Variants in FOCAD observed in about 807,000 individuals in gnomAD.
FOCAD encodes the protein focadhesin.
FOCAD carries 198 observed loss-of-function variants against 225.6 expected under a neutral mutation model. The observed-to-expected ratio is 0.88, with a 90% confidence interval of 0.78 to 0.99. FOCAD has a LOEUF of 0.99. Ranked by LOEUF, FOCAD falls within the 50% of genes least tolerant of loss-of-function variation. The pLI is 0.00. For synonymous variants in FOCAD, 897 were observed against 755.0 expected (o/e 1.19, Z -3.08); for missense variants, 2,713 against 2,123.6 (o/e 1.28, Z -5.46).
At chr9:20,701,315 A>T (rs1357638727) in intron 1 of FOCAD, among the ~76,000 whole-genome samples, 5 of 152,184 alleles carry the variant, frequency 3.3e-5, no homozygotes. Context: ...TGTTTTTACA[A>T]GTGAACTCAT....
At chr9:20,797,151 GC>G (rs2131248403) in intron 11 of FOCAD, among the ~76,000 whole-genome samples, 1 of 152,138 alleles carries the variant, frequency 6.6e-6, no homozygotes, top group African/African-American at 2.4e-5. Context: ...ATTTCTGAGG[GC>G]TCTGTTCTGT....
chr9:20,830,868 T>C (rs1219556237), intron 15 of FOCAD, among the ~76,000 whole-genome samples: 1 of 151,726 alleles, frequency 6.6e-6, no homozygotes, highest in Non-Finnish European at 1.5e-5. Flanking sequence ...AGAGACAGAG[T>C]CTCACTATGT....
intron 15 of FOCAD, among the ~76,000 whole-genome samples, chr9:20,842,468 A>G (rs1826638251): frequency 6.6e-6 from 1 of 151,948 alleles, no homozygotes; most frequent in Non-Finnish European, 1.5e-5. Context: ...CTCATGCTGC[A>G]TTAACCCCTT....
At chr9:20,898,684 G>C (rs890270836) in intron 21 of FOCAD, among the ~76,000 whole-genome samples, 2 of 151,528 alleles carry the variant, frequency 1.3e-5, no homozygotes, top group Non-Finnish European at 2.9e-5. Flanking sequence ...TTAAATTCCC[G>C]GTCTGTTAAT....
At chr9:20,875,979 A>T (rs1172846540) in intron 19 of FOCAD, among the ~76,000 whole-genome samples, 1 of 152,216 alleles carries the variant, frequency 6.6e-6, no homozygotes, top group East Asian at 1.9e-4. Flanking sequence ...TTTCTCAGTC[A>T]TAACCATACT....
At chr9:20,824,173 C>G (rs1033420355) in intron 15 of FOCAD, among the ~76,000 whole-genome samples, 2 of 152,092 alleles carry the variant, frequency 1.3e-5, no homozygotes, top group African/African-American at 2.4e-5. Flanking sequence ...GAATACCACA[C>G]ATGCCCAAGG....
chr9:20,700,714 T>C (rs1296874665), intron 1 of FOCAD, among the ~76,000 whole-genome samples: 2 of 152,248 alleles, frequency 1.3e-5, no homozygotes, highest in African/African-American at 2.4e-5. Context: ...TCTTAATTAA[T>C]GAAAAAGATA....
At chr9:20,667,519 C>T (rs1821931023) in intron 2 of FOCAD, among the ~76,000 whole-genome samples, 1 of 152,102 alleles carries the variant, frequency 6.6e-6, no homozygotes, top group Non-Finnish European at 1.5e-5. Context: ...AAAATTAATC[C>T]CACTTTTTGA....
chr9:20,721,868 C>T (rs1825793163), intron 4 of FOCAD, among the ~76,000 whole-genome samples: 1 of 41,798 alleles, frequency 2.4e-5, no homozygotes, highest in African/African-American at 1.0e-4. Context: ...TTCTGCCCTG[C>T]CTTCCCCTCC....
intron 20 of FOCAD, among the ~76,000 whole-genome samples, chr9:20,883,200 C>G (rs2383169): frequency 0.82 from 125,192 of 152,178 alleles, 51,657 homozygotes; most frequent in Admixed American, 0.88. Flanking sequence ...AAGTCACTCT[C>G]TTTGGAAAAT....
At chr9:20,986,266 A>ATTTTCTTTTTTTTTTTTTT in intron 39 of FOCAD, 22 bp from the exon 40 acceptor site, 1 of 705,686 alleles carries the variant, frequency 1.4e-6, no homozygotes, top group Non-Finnish European at 1.8e-6. Context: ...TAACTAAACA[A>ATTTTCTTTTTTTTTTTTTT]TTTTTTTTTT....
At chr9:20,684,917 C>T (rs1822569513) in intron 1 of FOCAD, among the ~76,000 whole-genome samples, 1 of 152,214 alleles carries the variant, frequency 6.6e-6, no homozygotes, top group Admixed American at 6.5e-5. Flanking sequence ...TTGAAATTTT[C>T]GCAGCAGCTA....
intron 15 of FOCAD, among the ~76,000 whole-genome samples, chr9:20,831,159 AG>A (rs1456778791): frequency 6.6e-6 from 1 of 152,088 alleles, no homozygotes; most frequent in Admixed American, 6.6e-5. Context: ...TAAGTATACA[AG>A]GGATCCTCTT....
chr9:20,867,098 G>A, intron 18 of FOCAD, 86 bp downstream of exon 18: 1 of 797,416 alleles, frequency 1.3e-6, no homozygotes, highest in Non-Finnish European at 2.1e-6. Flanking sequence ...ATACTTACCT[G>A]ATGAATATAT....
intron 39 of FOCAD, 49 bp from the exon 40 acceptor site, chr9:20,986,239 T>C (rs1420226798): frequency 1.8e-5 from 24 of 1,360,320 alleles, no homozygotes; most frequent in Non-Finnish European, 2.2e-5. Context: ...CTGTAGCTAC[T>C]TCAGTTAATT....
intron 27 of FOCAD, among the ~76,000 whole-genome samples, chr9:20,931,437 A>G (rs908662312): frequency 2.0e-5 from 3 of 152,194 alleles, no homozygotes; most frequent in Non-Finnish European, 4.4e-5. Flanking sequence ...GAATTGAGGA[A>G]TCTCAAATAT....
intron 11 of FOCAD, among the ~76,000 whole-genome samples, chr9:20,813,304 A>G (rs1823287656): frequency 6.6e-6 from 1 of 152,188 alleles, no homozygotes; most frequent in South Asian, 2.1e-4. Context: ...AGTATTATGA[A>G]TAAAGCAGAA....
At chr9:20,713,661 C>T (rs1825059792) in intron 1 of FOCAD, among the ~76,000 whole-genome samples, 1 of 152,194 alleles carries the variant, frequency 6.6e-6, no homozygotes, top group Admixed American at 6.5e-5. Flanking sequence ...AACTCAAGCA[C>T]CTAGAACTGT....
At chr9:20,962,417 C>CACACATACAT (rs142051827) in intron 35 of FOCAD, among the ~76,000 whole-genome samples, 91 of 149,194 alleles carry the variant, frequency 6.1e-4, no homozygotes, top group African/African-American at 2.0e-3. Context: ...TATACACACA[C>CACACATACAT]ACATACATAC....
Sources: allele counts gnomAD v4.1 joint callset (sites outside exome capture counted in the v4.1 genomes callset), GRCh38; gene constraint gnomAD v4.1.1; transcripts MANE v1.5; gene names NCBI Gene and HGNC (gene_info 2026-07-23, HGNC 2026-07-21).